Variants in TNR observed in about 807,000 individuals in gnomAD.
TNR encodes tenascin R, also known as tenascin-R.
A neutral mutation model predicts 150.4 loss-of-function variants in TNR; 45 were observed. The observed-to-expected ratio is 0.30, with a 90% CI of 0.24 to 0.38. The LOEUF is 0.38. Ranked by LOEUF, TNR falls within the 10% of genes least tolerant of loss-of-function variation. The pLI is 1.00. For synonymous variants in TNR, 687 were observed against 678.4 expected (o/e 1.01, Z -0.20); for missense variants, 1,544 against 1,759.1 (o/e 0.88, Z 2.19).
intron 1 of TNR, among the ~76,000 whole-genome samples, chr1:175,593,419 T>C (rs983972701): frequency 6.6e-6 from 1 of 151,530 alleles, no homozygotes; most frequent in Non-Finnish European, 1.5e-5. Flanking sequence ...GCCAACAGTT[T>C]GCAGCTCAAA....
intron 2 of TNR, among the ~76,000 whole-genome samples, chr1:175,442,436 T>G (rs578105425): frequency 1.3e-5 from 2 of 148,978 alleles, no homozygotes; most frequent in African/African-American, 2.6e-5. Flanking sequence ...TGGAGAGAGA[T>G]GGCTTGAAGC....
intron 1 of TNR, among the ~76,000 whole-genome samples, chr1:175,528,887 T>C (rs1659950988): frequency 6.6e-6 from 1 of 152,208 alleles, no homozygotes; most frequent in Non-Finnish European, 1.5e-5. Context: ...AGGGTCAGAG[T>C]CTTCAACTTT....
chr1:175,495,043 C>T (rs1658426640), intron 2 of TNR, among the ~76,000 whole-genome samples: 1 of 152,172 alleles, frequency 6.6e-6, no homozygotes, highest in African/African-American at 2.4e-5. Flanking sequence ...GCAGGCACGG[C>T]TGCATTCATT....
At chr1:175,698,684 T>C (rs1169299590) in intron 1 of TNR, among the ~76,000 whole-genome samples, 2 of 151,884 alleles carry the variant, frequency 1.3e-5, no homozygotes, top group African/African-American at 4.8e-5. Flanking sequence ...CTACTAAAAG[T>C]ACAAAAATTA....
chr1:175,362,181 C>A (rs375503275), intron 14 of TNR, among the ~76,000 whole-genome samples: 2 of 152,246 alleles, frequency 1.3e-5, no homozygotes, highest in African/African-American at 4.8e-5. Context: ...GGAGTTATGG[C>A]CACTTTGGTG....
At position 175,319,841 on chromosome 1, in the gene TNR, G is replaced by A. The variant is rs1487851687; in HGVS notation, c.*3516C>T. Reference sequence around the variant, plus strand: ...GCCACCTTGTGGCCACACTTAGCAAGTCCCCTTCCACCAGTTCACTGTGGT... The same window carrying A: ...GCCACCTTGTGGCCACACTTAGCAAATCCCCTTCCACCAGTTCACTGTGGT... On this transcript the variant is annotated 3_prime_UTR_variant, in exon 23 of 23. Coordinates refer to ENST00000367674, the MANE Select transcript of TNR (RefSeq NM_003285.3). The A allele has an allele frequency of 1.3e-5, 2 of 152,186 alleles. No individual in the cohort carries two copies. Among genetic ancestry groups the A allele is most frequent in the African/African-American group, 2.4e-5 (1 of 41,440 alleles). The allele number at this position is 152,186 out of a possible 1,614,324, so 9.4% of individuals were successfully genotyped here.
chr1:175,430,502 A>G (rs779234523), intron 2 of TNR, among the ~76,000 whole-genome samples: 10 of 152,178 alleles, frequency 6.6e-5, no homozygotes, highest in Non-Finnish European at 8.8e-5. Flanking sequence ...TCTCACTCCC[A>G]TCTCTATGCA....
At chr1:175,714,220 C>A (rs1211892612) in intron 1 of TNR, among the ~76,000 whole-genome samples, 1 of 152,112 alleles carries the variant, frequency 6.6e-6, no homozygotes, top group African/African-American at 2.4e-5. Context: ...TTCTACCCAT[C>A]ACGCCCCTCT....
In TNR at chr1:175,388,120, G is replaced by A. The variant is rs140303724; in HGVS notation, c.1508-1819C>T. Among the ~76,000 whole-genome samples, 27 of 152,258 alleles carry A rather than the reference G, an allele frequency of 1.8e-4. No individual in the cohort carries two copies. The East Asian group carries it at 4.8e-3, about 27-fold the overall frequency. ...AAATTAATTATGAAATGGGGGAAGT[G>A]GCCTCCTAGTTGCTGTGTAAGCATG... On this transcript the variant is annotated intron_variant, in intron 7 of 22. Transcript: ENST00000367674.
At chr1:175,741,916 A>C (rs1195230572) in intron 1 of TNR, among the ~76,000 whole-genome samples, 1 of 152,202 alleles carries the variant, frequency 6.6e-6, no homozygotes, top group Non-Finnish European at 1.5e-5. Flanking sequence ...ACTTGAAGAA[A>C]GTGACCAGAA....
At position 175,472,027 on chromosome 1, in the gene TNR, A is replaced by G. The variant is rs540218846; in HGVS notation, c.-64+56242T>C. Among the ~76,000 whole-genome samples, 155 of 152,182 alleles carry G rather than the reference A, an allele frequency of 1.0e-3. 2 individuals are homozygous for G. Among genetic ancestry groups the G allele is most frequent in the African/African-American group, 3.2e-3 (131 of 41,510 alleles). On this transcript the variant is annotated intron_variant, in intron 2 of 22. Transcript: ENST00000367674. ...GTGGCACATGCCTGCAGTACTAGCT[A>G]CTCAGGAGGCTGAGGCAGGAGGATC... is the stretch of plus-strand genomic sequence containing the variant.
chr1:175,342,756 G>C (rs1650582570), intron 18 of TNR, among the ~76,000 whole-genome samples: 1 of 152,218 alleles, frequency 6.6e-6, no homozygotes, highest in Admixed American at 6.5e-5. Flanking sequence ...AAGGTCATCA[G>C]GCTCTGCAGA....
chr1:175,354,483 T>G lies in TNR; in HGVS notation c.3290A>C (p.Glu1097Ala), dbSNP rs1272680230. 1.2e-6 allele frequency: 2 copies of G among 1,613,964 alleles called. No homozygotes were observed. Among genetic ancestry groups the G allele is most frequent in the Non-Finnish European group, 1.7e-6 (2 of 1,179,996 alleles). ...GTAGTCTGTGTTCTCCAACAGGCCC[T>G]CCAGTCGAATCCAGGTGTCTTCTGC... is the stretch of plus-strand genomic sequence containing the variant. Reference protein sequence around the residue: ...VDAEDTWIRLEGLLENTDYTV... With the variant: ...VDAEDTWIRLAGLLENTDYTV... The change falls in exon 18 of 23, where the codon GAG becomes GCG. Residue 1097 changes from glutamate (E) to alanine (A), a missense_variant. Glu to Ala is a moderately radical substitution (Grantham distance 107, BLOSUM62 -1). Transcript: ENST00000367674.
chr1:175,437,177 C>T (rs1157331319), intron 2 of TNR, among the ~76,000 whole-genome samples: 2 of 152,232 alleles, frequency 1.3e-5, no homozygotes, highest in Non-Finnish European at 2.9e-5. Context: ...AACAAACTGT[C>T]TCTCAGACCA....
chr1:175,396,563 G>A lies in TNR; in HGVS notation c.1221C>T (p.Ile407=). The change falls in exon 5 of 23, where the codon ATC becomes ATT. Residue 407 remains isoleucine (I), a synonymous_variant. Coordinates refer to ENST00000367674, the MANE Select transcript of TNR (RefSeq NM_003285.3). ...ACGTACGGGTGGCCACCTTGGCAGTGATGGGAAGGCTGAGGATGTTGCTAA... is the reference window on the plus strand; with the variant it reads ...ACGTACGGGTGGCCACCTTGGCAGTAATGGGAAGGCTGAGGATGTTGCTAA... ...AVISNILSLP[I]TAKVATHLST... is the part of the protein sequence containing the mutation. 2 of 1,614,148 alleles carry A rather than the reference G, an allele frequency of 1.2e-6. No individual in the cohort carries two copies. Among genetic ancestry groups the A allele is most frequent in the South Asian group, 2.2e-5 (2 of 91,068 alleles).
chr1:175,457,951 C>T (rs909954291), intron 2 of TNR, among the ~76,000 whole-genome samples: 1 of 152,196 alleles, frequency 6.6e-6, no homozygotes, highest in African/African-American at 2.4e-5. Flanking sequence ...AAACTCATGT[C>T]TGTCTGAATA....
chr1:175,692,656 G>A (rs1666404161), intron 1 of TNR, among the ~76,000 whole-genome samples: 1 of 152,196 alleles, frequency 6.6e-6, no homozygotes, highest in Non-Finnish European at 1.5e-5. Flanking sequence ...GGCCAGAGGA[G>A]TTACTGCCCT....
At chr1:175,693,701 C>T (rs76687117) in intron 1 of TNR, among the ~76,000 whole-genome samples, 4,245 of 152,302 alleles carry the variant, frequency 0.028, 192 homozygotes, top group African/African-American at 0.096. Context: ...TTGAATCTCA[C>T]GTCTACAGCC....
chr1:175,601,522 C>T (rs1422415187), intron 1 of TNR, among the ~76,000 whole-genome samples: 1 of 152,140 alleles, frequency 6.6e-6, no homozygotes, highest in Non-Finnish European at 1.5e-5. Context: ...AAACACTTAG[C>T]CACTCAAGTT....
Sources: allele counts gnomAD v4.1 joint callset (sites outside exome capture counted in the v4.1 genomes callset), GRCh38; gene constraint gnomAD v4.1.1; transcripts MANE v1.5; gene names NCBI Gene and HGNC (gene_info 2026-07-23, HGNC 2026-07-21).